The following THTPA variants were observed in gnomAD, a reference collection of about 807,000 sequenced individuals.
THTPA encodes thiamine triphosphatase.
In THTPA, 16 loss-of-function variants were observed where a neutral mutation model predicts 16.5. The ratio of observed to expected loss-of-function variants is 0.97; its 90% confidence interval spans 0.66 to 1.47. THTPA has a LOEUF of 1.47. Among genes scored for constraint, THTPA ranks in the 40% most tolerant of loss-of-function variants. The probability of loss-of-function intolerance (pLI) is 0.00; values close to 1 mark genes in which losing one functional copy is unlikely to be tolerated. For missense variants in THTPA, 281 were observed against 280.9 expected (o/e 1.00, Z 0.00); for synonymous variants, 110 against 115.5 (o/e 0.95, Z 0.30).
the THTPA span, chr14:23,533,650 C>A: frequency 1.3e-6 from 2 of 1,537,074 alleles, no homozygotes; most frequent in Non-Finnish European, 1.7e-6. This position sits in a 1 kb window ranked among gnomAD's most constrained non-coding sequence, Gnocchi z 4.8. Context: ...CTCTTTGTCT[C>A]CCGCGGAGGG....
At position 23,556,935 on chromosome 14, in the gene THTPA, A is replaced by G; in HGVS notation, c.178A>G (p.Ser60Gly). 1 of 1,614,142 alleles carries G rather than the reference A, an allele frequency of 6.2e-7. No homozygotes were observed. The highest frequency in any genetic ancestry group is 8.5e-7 in the Non-Finnish European group (1 of 1,180,010). The change falls in exon 1 of 2, where the codon AGT becomes GGT. Residue 60 changes from serine (S) to glycine (G), a missense_variant. Coordinates refer to ENST00000288014, the MANE Select transcript of THTPA (RefSeq NM_024328.6). ...CCACTGGCTGCGACGACGAGAGGAT[A>G]GTGGATGGGAGCTCAAATGTCCTGG... ...ADHWLRRRED[S>G]GWELKCPGAA...
At chr14:23,511,835 C>T in the THTPA span, 1 of 151,974 alleles carries the variant, frequency 6.6e-6, no homozygotes, top group African/African-American at 2.4e-5. Context: ...AGCTTGAAGA[C>T]AAGGAACTGG....
At chr14:23,533,017 G>A in the THTPA span, 6 of 1,536,084 alleles carry the variant, frequency 3.9e-6, no homozygotes, top group South Asian at 3.6e-5. The surrounding 1 kb of genome is among the most constrained non-coding windows in gnomAD (Gnocchi z 4.8). Context: ...AGGTGGGCAG[G>A]CTGTCAGATG....
chr14:23,521,421 T>C, the THTPA span: 1 of 153,628 alleles, frequency 6.5e-6, no homozygotes, highest in Admixed American at 6.4e-5. Flanking sequence ...AGACAAAGGG[T>C]TAGGAAGGAG....
chr14:23,526,409 T>C, the THTPA span: 4 of 1,536,110 alleles, frequency 2.6e-6, no homozygotes, highest in Middle Eastern at 1.7e-4. Context: ...CAGGGCAAAG[T>C]TGGTGGTTTT....
the THTPA span, chr14:23,533,663 G>T: frequency 6.5e-7 from 1 of 1,537,558 alleles, no homozygotes; most frequent in Non-Finnish European, 8.7e-7. This position sits in a 1 kb window ranked among gnomAD's most constrained non-coding sequence, Gnocchi z 4.8. Flanking sequence ...GCGGAGGGTG[G>T]GAGTGATGCC....
the THTPA span, among the ~76,000 whole-genome samples, chr14:23,518,680 A>G: frequency 4.6e-5 from 7 of 152,212 alleles, no homozygotes; most frequent in Non-Finnish European, 1.0e-4. This position sits in a 1 kb window ranked among gnomAD's most constrained non-coding sequence, Gnocchi z 4.5. Flanking sequence ...GGACGAGTGT[A>G]TGTTAGAAGC....
chr14:23,532,889 G>A, the THTPA span: 7 of 1,536,108 alleles, frequency 4.6e-6, no homozygotes, highest in East Asian at 4.9e-5. Context: ...TTCAGCTTCC[G>A]GGAGGCTCCG....
chr14:23,512,100 G>C, the THTPA span, among the ~76,000 whole-genome samples: 1 of 152,078 alleles, frequency 6.6e-6, no homozygotes, highest in African/African-American at 2.4e-5. Flanking sequence ...CAGCCTGGCA[G>C]CCTGCCCTGT....
At chr14:23,512,308 C>T in the THTPA span, among the ~76,000 whole-genome samples, 3 of 151,846 alleles carry the variant, frequency 2.0e-5, no homozygotes, top group East Asian at 1.9e-4. Context: ...AACACACTTG[C>T]GCGCACGCAC....
chr14:23,534,072 G>T, the THTPA span: 1 of 1,518,776 alleles, frequency 6.6e-7, no homozygotes, highest in Middle Eastern at 1.7e-4. This position sits in a 1 kb window ranked among gnomAD's most constrained non-coding sequence, Gnocchi z 4.5. Context: ...CTAGGCGATA[G>T]GGCTGGGGTG....
chr14:23,527,031 T>C, the THTPA span: 3 of 1,450,068 alleles, frequency 2.1e-6, no homozygotes, highest in Non-Finnish European at 1.8e-6. Context: ...CCTATGCCAC[T>C]CCTGACCCAT....
chr14:23,515,459 A>G, the THTPA span, among the ~76,000 whole-genome samples: 2 of 152,226 alleles, frequency 1.3e-5, no homozygotes, highest in Admixed American at 6.5e-5. Flanking sequence ...ATAGATTTCC[A>G]TATCTTTGAA....
the THTPA span, chr14:23,522,349 G>C: frequency 2.0e-6 from 3 of 1,535,672 alleles, no homozygotes; most frequent in Non-Finnish European, 2.6e-6. Context: ...TTACATCCAC[G>C]GTGGAGATGC....
At chr14:23,531,669 TG>T in the THTPA span, 1 of 1,480,630 alleles carries the variant, frequency 6.8e-7, no homozygotes, top group Non-Finnish European at 9.0e-7. Context: ...CAACAGGCAG[TG>T]GTATAGCCCC....
At chr14:23,538,774 G>C in the THTPA span, among the ~76,000 whole-genome samples, 1 of 152,066 alleles carries the variant, frequency 6.6e-6, no homozygotes, top group Non-Finnish European at 1.5e-5. Flanking sequence ...GGTTGGGGAC[G>C]GTCAGGGAAG....
the THTPA span, among the ~76,000 whole-genome samples, chr14:23,518,107 CTGGT>C: frequency 6.6e-6 from 1 of 152,164 alleles, no homozygotes; most frequent in Non-Finnish European, 1.5e-5. The surrounding 1 kb of genome is among the most constrained non-coding windows in gnomAD (Gnocchi z 4.5). Context: ...CTTGCTGGCA[CTGGT>C]GTGTTTCCCT....
Position 23,559,457 on chromosome 14 carries a change from G to C in THTPA, c.*617G>C, listed in dbSNP as rs768235357. On this transcript the variant is annotated 3_prime_UTR_variant, in exon 2 of 2. Coordinates refer to ENST00000288014, the MANE Select transcript of THTPA (RefSeq NM_024328.6). ...CAACAGCTGCCCCCTCCCCGCCCCCGTGTTGAGACAGGTTCTCAAGGCTCA... is the reference window on the plus strand; with the variant it reads ...CAACAGCTGCCCCCTCCCCGCCCCCCTGTTGAGACAGGTTCTCAAGGCTCA... 11 of 387,368 alleles carry C rather than the reference G, an allele frequency of 2.8e-5. No individual in the cohort carries two copies. Among genetic ancestry groups the C allele is most frequent in the Non-Finnish European group, 4.4e-5 (9 of 205,396 alleles). 24.0% of individuals were successfully genotyped at this position (387,368 alleles called of 1,614,324 possible). A position where few individuals can be genotyped will look rare whatever the true frequency, so the allele number is the denominator to read the frequency against.
At chr14:23,549,269 C>A in the THTPA span, among the ~76,000 whole-genome samples, 1 of 152,156 alleles carries the variant, frequency 6.6e-6, no homozygotes. Flanking sequence ...TTTGCACATC[C>A]CTCACGTCAT....
Sources: gnomAD v4.1 joint callset for allele counts (sites outside exome capture counted in the v4.1 genomes callset) on GRCh38, gnomAD v4.1.1 for gene constraint, Gnocchi (gnomAD v3.1) non-coding constraint, MANE v1.5 for transcripts, NCBI Gene and HGNC (gene_info 2026-07-23, HGNC 2026-07-21) for gene names.